The following OR2L13 variants were observed in gnomAD, a reference collection of about 807,000 sequenced individuals.
The protein encoded by OR2L13 is olfactory receptor family 2 subfamily L member 13, also known as olfactory receptor 2L13.
OR2L13 carries 14 observed loss-of-function variants against 15.3 expected under a neutral mutation model. The ratio of observed to expected loss-of-function variants is 0.91; its 90% CI spans 0.60 to 1.43. OR2L13 has a LOEUF of 1.43. Among genes scored for constraint, OR2L13 ranks in the 40% most tolerant of loss-of-function variants. The pLI is 0.00. For synonymous variants in OR2L13, 152 were observed against 142.9 expected, an observed-to-expected ratio of 1.06 and a Z score of -0.45; for missense variants, 367 against 387.9, an observed-to-expected ratio of 0.95 and a Z score of 0.45.
chr1:247,942,946 G>T, the OR2L13 span, among the ~76,000 whole-genome samples: 1 of 151,206 alleles, frequency 6.6e-6, no homozygotes, highest in Non-Finnish European at 1.5e-5. Context: ...CACTACTCTG[G>T]GTACTTCGTG....
At chr1:247,965,949 C>T in the OR2L13 span, 1,043 of 1,608,602 alleles carry the variant, frequency 6.5e-4, 1 homozygote, top group Non-Finnish European at 7.9e-4. Context: ...TGTGTCAGGA[C>T]ACCTCCCAGT....
At chr1:247,958,885 A>T in the OR2L13 span, among the ~76,000 whole-genome samples, 6 of 151,648 alleles carry the variant, frequency 4.0e-5, no homozygotes, top group Non-Finnish European at 2.9e-5. Context: ...ATGGGTTTTG[A>T]CTCTTTATCC....
chr1:247,949,240 C>T, the OR2L13 span: 1 of 1,614,194 alleles, frequency 6.2e-7, no homozygotes, highest in South Asian at 1.1e-5. Flanking sequence ...ATTTGCTTTC[C>T]TCTCCACTAT....
At chr1:248,096,918 CT>C (rs1664752804), upstream of OR2L13, among the ~76,000 whole-genome samples, 3 of 152,198 alleles carry the variant, frequency 2.0e-5, no homozygotes, top group Admixed American at 2.0e-4. Context: ...GCAGTCACAT[CT>C]CACTCTTTCT....
the OR2L13 span, among the ~76,000 whole-genome samples, chr1:247,995,650 A>G: frequency 6.6e-6 from 1 of 152,238 alleles, no homozygotes; most frequent in Admixed American, 6.5e-5. Context: ...CTATTTATGA[A>G]GAGCAGAAAC....
At chr1:247,939,939 A>G in the OR2L13 span, among the ~76,000 whole-genome samples, 9 of 152,298 alleles carry the variant, frequency 5.9e-5, no homozygotes, top group African/African-American at 2.2e-4. Context: ...TTGAAATACA[A>G]TCAAACCATT....
At chr1:247,948,625 G>A in the OR2L13 span, among the ~76,000 whole-genome samples, 1 of 152,056 alleles carries the variant, frequency 6.6e-6, no homozygotes, top group Non-Finnish European at 1.5e-5. Context: ...CTGTATAATT[G>A]TTCTATTTTA....
At chr1:247,939,936 A>G in the OR2L13 span, among the ~76,000 whole-genome samples, 1 of 152,206 alleles carries the variant, frequency 6.6e-6, no homozygotes, top group South Asian at 2.1e-4. Context: ...CATTTGAAAT[A>G]CAATCAAACC....
At chr1:248,048,923 CTT>C in the OR2L13 span, among the ~76,000 whole-genome samples, 38 of 141,656 alleles carry the variant, frequency 2.7e-4, no homozygotes, top group Admixed American at 9.2e-4. Context: ...TTCTCTCTCT[CTT>C]TTTTTTTTTT....
At chr1:247,941,427 G>T in the OR2L13 span, among the ~76,000 whole-genome samples, 1 of 152,112 alleles carries the variant, frequency 6.6e-6, no homozygotes, top group African/African-American at 2.4e-5. Context: ...ACTTTCTGAT[G>T]AACTAGCATT....
At chr1:248,041,948 G>A in the OR2L13 span, 5 of 152,062 alleles carry the variant, frequency 3.3e-5, no homozygotes, top group African/African-American at 7.3e-5. Flanking sequence ...TCAGTGTGGC[G>A]ATTCCTCAGG....
the OR2L13 span, among the ~76,000 whole-genome samples, chr1:247,986,235 A>G: frequency 6.6e-6 from 1 of 152,182 alleles, no homozygotes; most frequent in African/African-American, 2.4e-5. Flanking sequence ...TAGAGTTTTT[A>G]TGGTTTTAAG....
the OR2L13 span, chr1:247,990,313 T>G: frequency 8.3e-7 from 1 of 1,205,032 alleles, no homozygotes; most frequent in Non-Finnish European, 1.2e-6. Context: ...TTGTTGGGAT[T>G]GTCGCCACCA....
the OR2L13 span, among the ~76,000 whole-genome samples, chr1:248,082,185 C>T: frequency 1.4e-5 from 2 of 146,038 alleles, no homozygotes; most frequent in African/African-American, 2.6e-5. Context: ...AGTTCATGTC[C>T]TTTGTAGGGA....
At chr1:247,971,089 A>G in the OR2L13 span, among the ~76,000 whole-genome samples, 1 of 152,214 alleles carries the variant, frequency 6.6e-6, no homozygotes, top group Non-Finnish European at 1.5e-5. Context: ...AAATATAAAC[A>G]TATATTTATT....
chr1:248,036,060 T>C, the OR2L13 span, among the ~76,000 whole-genome samples: 4 of 152,212 alleles, frequency 2.6e-5, no homozygotes, highest in African/African-American at 9.6e-5. Context: ...TAAAAATATT[T>C]CTCACTTACT....
chr1:248,084,531 G>T, the OR2L13 span: 22 of 1,612,984 alleles, frequency 1.4e-5, no homozygotes, highest in Admixed American at 3.7e-4. Flanking sequence ...AGAGGACTTG[G>T]TGGGCTCTGG....
chr1:248,042,711 G>A, the OR2L13 span, among the ~76,000 whole-genome samples: 1 of 152,000 alleles, frequency 6.6e-6, no homozygotes, highest in African/African-American at 2.4e-5. Context: ...TCATTGTAAT[G>A]TATAAAATTA....
chr1:247,948,871 A>G, the OR2L13 span: 2 of 1,605,380 alleles, frequency 1.2e-6, no homozygotes, highest in Non-Finnish European at 8.5e-7. Context: ...GAAAATTACA[A>G]TCAAACATCA....
Sources: gnomAD v4.1 joint callset for allele counts (sites outside exome capture counted in the v4.1 genomes callset) on GRCh38, gnomAD v4.1.1 for gene constraint, MANE v1.5 for transcripts, NCBI Gene and HGNC (gene_info 2026-07-23, HGNC 2026-07-21) for gene names.